The following STARD6 variants were observed in gnomAD, a reference collection of about 807,000 sequenced individuals.
STARD6 encodes StAR related lipid transfer domain containing 6, also known as stAR-related lipid transfer protein 6.
Under a neutral mutation model 22.3 loss-of-function variants are expected in STARD6, and 21 were observed. That is an observed-to-expected ratio of 0.94 (90% CI 0.67 to 1.35). The LOEUF is 1.35. Among genes scored for constraint, STARD6 ranks in the 40% most tolerant of loss-of-function variants. The pLI is 0.00. For missense variants in STARD6, 269 were observed against 266.9 expected, an observed-to-expected ratio of 1.01 and a Z score of -0.05; for synonymous variants, 80 against 88.1, an observed-to-expected ratio of 0.91 and a Z score of 0.52.
intron 7 of STARD6, among the ~76,000 whole-genome samples, chr18:54,326,335 T>C (rs1050736197): frequency 7.3e-5 from 11 of 150,926 alleles, no homozygotes; most frequent in African/African-American, 2.7e-4. Flanking sequence ...TCTTTTTTTT[T>C]TTTTTTTTTC....
At chr18:54,346,928 G>A (rs1384720889) in intron 4 of STARD6, among the ~76,000 whole-genome samples, 1 of 152,102 alleles carries the variant, frequency 6.6e-6, no homozygotes, top group Non-Finnish European at 1.5e-5. Context: ...GTAAATGCTA[G>A]TAGGCACAAG....
intron 4 of STARD6, among the ~76,000 whole-genome samples, chr18:54,342,714 C>G (rs1437839261): frequency 1.1e-5 from 1 of 89,038 alleles, no homozygotes; most frequent in South Asian, 4.1e-4. Flanking sequence ...CCGCCAACCT[C>G]GGCCTCCCGA....
intron 4 of STARD6, among the ~76,000 whole-genome samples, chr18:54,348,261 C>A (rs2089057463): frequency 6.6e-6 from 1 of 152,068 alleles, no homozygotes; most frequent in Non-Finnish European, 1.5e-5. Flanking sequence ...ACATGTCTGC[C>A]TCAGAAGGTA....
intron 4 of STARD6, 115 bp from the exon 5 acceptor site, chr18:54,337,366 C>T: frequency 1.2e-6 from 1 of 866,734 alleles, no homozygotes; most frequent in East Asian, 2.6e-5. Flanking sequence ...ATGAAGAAAA[C>T]TTGAAGGTAC....
chr18:54,348,555 A>G (rs1254983211), intron 4 of STARD6, among the ~76,000 whole-genome samples: 1 of 152,188 alleles, frequency 6.6e-6, no homozygotes, highest in Admixed American at 6.5e-5. Flanking sequence ...ACTTGGAGAT[A>G]GTAACTTACA....
chr18:54,338,734 T>C (rs1442161928), intron 4 of STARD6, among the ~76,000 whole-genome samples: 1 of 151,850 alleles, frequency 6.6e-6, no homozygotes, highest in East Asian at 1.9e-4. Flanking sequence ...GGCCTTATCA[T>C]ATAAAGATGT....
At chr18:54,348,183 G>A (rs1177447665) in intron 4 of STARD6, among the ~76,000 whole-genome samples, 8 of 152,170 alleles carry the variant, frequency 5.3e-5, no homozygotes, top group African/African-American at 9.6e-5. Flanking sequence ...TATCAGCAGC[G>A]TGAAAATGAA....
intron 4 of STARD6, among the ~76,000 whole-genome samples, chr18:54,352,728 T>G (rs949379304): frequency 3.3e-5 from 5 of 152,246 alleles, no homozygotes; most frequent in Non-Finnish European, 5.9e-5. Context: ...AAAATATCTC[T>G]GATGAAAATT....
intron 4 of STARD6, among the ~76,000 whole-genome samples, chr18:54,343,462 T>A (rs1599305888): frequency 1.8e-5 from 2 of 109,600 alleles, no homozygotes; most frequent in Non-Finnish European, 3.8e-5. Flanking sequence ...GTCTGGGAGG[T>A]GAGGGGCGCC....
intron 4 of STARD6, among the ~76,000 whole-genome samples, chr18:54,337,966 G>A (rs1349521993): frequency 6.6e-6 from 1 of 152,110 alleles, no homozygotes; most frequent in Non-Finnish European, 1.5e-5. Flanking sequence ...CAGCTAAAGT[G>A]GCCCACTACG....
At chr18:54,352,534 G>A (rs956456113) in intron 4 of STARD6, among the ~76,000 whole-genome samples, 1 of 152,152 alleles carries the variant, frequency 6.6e-6, no homozygotes, top group Admixed American at 6.5e-5. Context: ...TTGAGGCAGA[G>A]GCACCTAGCA....
chr18:54,349,406 T>C (rs565561098), intron 4 of STARD6, among the ~76,000 whole-genome samples: 17 of 152,260 alleles, frequency 1.1e-4, no homozygotes, highest in African/African-American at 2.4e-4. Context: ...CAGAAGTCCA[T>C]TGTGGCTGTG....
rs775258643 is a variant in STARD6 at position 54,324,913 on chromosome 18, T to G, written c.480-38A>C. ...GAAGAGTTAAAAAAAGATAAGAAATTTTTAGATTTAACTACTGACTTTACA... is the reference window on the plus strand; with the variant it reads ...GAAGAGTTAAAAAAAGATAAGAAATGTTTAGATTTAACTACTGACTTTACA... On this transcript the variant is annotated intron_variant, in intron 7 of 7. Transcript: ENST00000307844. 7.5e-6 allele frequency: 11 copies of G among 1,461,698 alleles called. No individual in the cohort carries two copies. The East Asian group carries it at 2.0e-4, about 26-fold the overall frequency. 90.5% of individuals were successfully genotyped at this position (1,461,698 alleles called of 1,614,324 possible). A position where few individuals can be genotyped will look rare whatever the true frequency, so the allele number is the denominator to read the frequency against.
At chr18:54,344,582 T>TAAAAAAAAAAAAAAAA (rs1491455594) in intron 4 of STARD6, among the ~76,000 whole-genome samples, 1 of 29,372 alleles carries the variant, frequency 3.4e-5, no homozygotes, top group Non-Finnish European at 6.1e-5. Context: ...AAAAAATAAA[T>TAAAAAAAAAAAAAAAA]TAAAAAAAAA....
chr18:54,336,648 G>A (rs1040596639), intron 5 of STARD6, among the ~76,000 whole-genome samples: 12 of 152,230 alleles, frequency 7.9e-5, no homozygotes, highest in African/African-American at 2.9e-4. Flanking sequence ...GAGTTCTCAC[G>A]AGGTCTGATG....
chr18:54,357,494 T>C (rs970178160), intron 1 of STARD6, among the ~76,000 whole-genome samples: 25 of 151,578 alleles, frequency 1.6e-4, no homozygotes, highest in African/African-American at 5.9e-4. Context: ...GCTGAGACGA[T>C]ATCTTATTTT....
At chr18:54,329,257 T>C in intron 7 of STARD6, 90 bp downstream of exon 7, 1 of 1,027,478 alleles carries the variant, frequency 9.7e-7, no homozygotes, top group Non-Finnish European at 1.4e-6. Context: ...TGCTGCTACA[T>C]ATTTCTACTG....
intron 4 of STARD6, among the ~76,000 whole-genome samples, chr18:54,343,693 G>A (rs1303258266): frequency 3.8e-4 from 16 of 42,018 alleles, no homozygotes; most frequent in Non-Finnish European, 6.4e-4. Context: ...CCCCCCGCCC[G>A]GCCAGCCGCC....
At position 54,329,343 on chromosome 18, in the gene STARD6, T is replaced by A. The variant is rs755380096; in HGVS notation, c.479+4A>T. On this transcript the variant is annotated splice_donor_region_variant and intron_variant, in intron 7 of 7. Transcript: ENST00000307844. ...TAAAATAAATAAGTGCAAACAACAC[T>A]TACTCTTCCATTGGTGAACATACAA... The A allele has an allele frequency of 6.3e-7, 1 of 1,576,458 alleles. No individual in the cohort carries two copies. Among genetic ancestry groups the A allele is most frequent in the Non-Finnish European group, 8.6e-7 (1 of 1,165,966 alleles).
Sources: gnomAD v4.1 joint callset for allele counts (sites outside exome capture counted in the v4.1 genomes callset) on GRCh38, gnomAD v4.1.1 for gene constraint, MANE v1.5 for transcripts, NCBI Gene and HGNC (gene_info 2026-07-23, HGNC 2026-07-21) for gene names.